LRBA: variants seen among roughly 807,000 people sequenced by gnomAD.
The protein encoded by LRBA is lipopolysaccharide-responsive and beige-like anchor protein.
Under a neutral mutation model 330.0 loss-of-function variants are expected in LRBA, and 176 were observed. That is an observed-to-expected ratio of 0.53 (90% CI 0.47 to 0.60). The LOEUF (loss-of-function observed/expected upper bound fraction) is 0.60. Ranked by LOEUF, LRBA falls within the 20% of genes least tolerant of loss-of-function variation. The pLI, the probability that LRBA is intolerant of heterozygous loss-of-function variation, is 0.00. For missense variants in LRBA, 3,259 were observed against 3,444.8 expected, an observed-to-expected ratio of 0.95 and a Z score of 1.35; for synonymous variants, 1,230 against 1,193.0, an observed-to-expected ratio of 1.03 and a Z score of -0.64.
intron 2 of LRBA, among the ~76,000 whole-genome samples, chr4:151,007,726 G>A (rs1234166706): frequency 2.1e-5 from 3 of 144,302 alleles, no homozygotes; most frequent in East Asian, 2.2e-4. Flanking sequence ...GCGTGGTGGC[G>A]GGCGCCTGTA....
intron 38 of LRBA, chr4:150,597,199 AAG>A: frequency 1.5e-6 from 1 of 659,600 alleles, no homozygotes; most frequent in South Asian, 2.3e-5. Flanking sequence ...TATACAAGTC[AAG>A]AGTCTTAGGA....
intron 38 of LRBA, chr4:150,597,163 A>C (rs756509379): frequency 1.1e-6 from 1 of 886,550 alleles, no homozygotes; most frequent in Middle Eastern, 2.3e-4. Context: ...ATTACTATCG[A>C]GAGTAATCAG....
At chr4:150,529,880 A>T (rs945368453) in intron 40 of LRBA, among the ~76,000 whole-genome samples, 1 of 152,118 alleles carries the variant, frequency 6.6e-6, no homozygotes, top group African/African-American at 2.4e-5. Flanking sequence ...ACCTAGACTC[A>T]ATAATTTTTT....
chr4:150,787,474 C>CA (rs1739247965), intron 34 of LRBA, among the ~76,000 whole-genome samples: 1 of 152,084 alleles, frequency 6.6e-6, no homozygotes, highest in Non-Finnish European at 1.5e-5. Context: ...ACACCTTTTA[C>CA]TAGTTAAAAA....
intron 40 of LRBA, among the ~76,000 whole-genome samples, chr4:150,502,097 C>A (rs1018875878): frequency 6.6e-6 from 1 of 152,218 alleles, no homozygotes; most frequent in African/African-American, 2.4e-5. Context: ...CTCCAGAGAT[C>A]TGCAGCCTTC....
intron 37 of LRBA, among the ~76,000 whole-genome samples, chr4:150,608,694 C>T (rs1450773499): frequency 6.6e-6 from 1 of 152,186 alleles, no homozygotes; most frequent in African/African-American, 2.4e-5. Context: ...TCACCATGAT[C>T]TAATTTAAAA....
In LRBA at chr4:150,466,725, T is replaced by C. The variant is rs1755496075; in HGVS notation, c.6780+948A>G. ...AGGAAAGAAGCTTTAGGAAAAAGAC[T>C]GGATATTCCACTCACCTAAAAAATG... On this transcript the variant is annotated intron_variant, in intron 44 of 56. Coordinates refer to ENST00000651943, the MANE Select transcript of LRBA (RefSeq NM_001364905.1). Among the ~76,000 whole-genome samples, 7 of 152,096 alleles carry C rather than the reference T, an allele frequency of 4.6e-5. No homozygotes were observed. In the South Asian group the frequency reaches 1.4e-3, roughly 32 times the overall value.
At chr4:150,568,370 C>G (rs924820446) in intron 40 of LRBA, among the ~76,000 whole-genome samples, 1 of 152,064 alleles carries the variant, frequency 6.6e-6, no homozygotes, top group Non-Finnish European at 1.5e-5. Context: ...TAAGTAAAAA[C>G]CTGCCAAGGG....
chr4:150,326,471 C>G (rs1733281284), intron 48 of LRBA, among the ~76,000 whole-genome samples: 1 of 152,100 alleles, frequency 6.6e-6, no homozygotes, highest in Admixed American at 6.6e-5. Context: ...ATGGTTAAAC[C>G]AGGGAGTCAC....
At chr4:150,336,191 C>A (rs957956878) in intron 48 of LRBA, among the ~76,000 whole-genome samples, 1 of 152,156 alleles carries the variant, frequency 6.6e-6, no homozygotes, top group African/African-American at 2.4e-5. Context: ...CAATAGTTAT[C>A]TTTTCTGCTC....
chr4:150,380,433 A>C (rs1278334842), intron 47 of LRBA, among the ~76,000 whole-genome samples: 1 of 152,106 alleles, frequency 6.6e-6, no homozygotes, highest in East Asian at 1.9e-4. Flanking sequence ...CCCCACCTAC[A>C]TCAGGATCAC....
chr4:150,525,954 C>T (rs560777043), intron 40 of LRBA, among the ~76,000 whole-genome samples: 10 of 151,822 alleles, frequency 6.6e-5, no homozygotes, highest in South Asian at 4.2e-4. Flanking sequence ...AGTTGGCTAC[C>T]GAGACCAATC....
intron 40 of LRBA, among the ~76,000 whole-genome samples, chr4:150,492,969 C>A (rs1561257340): frequency 6.6e-6 from 1 of 152,116 alleles, no homozygotes; most frequent in Non-Finnish European, 1.5e-5. Flanking sequence ...CTTATCACTA[C>A]CTGAAATTTT....
chr4:150,459,675 T>C (rs1309737212), intron 44 of LRBA, among the ~76,000 whole-genome samples: 3 of 151,910 alleles, frequency 2.0e-5, no homozygotes, highest in Non-Finnish European at 2.9e-5. Context: ...TTGGGAACTC[T>C]CCCCATATCA....
At position 150,599,236 on chromosome 4, in the gene LRBA, T is replaced by G. The variant is rs1234617631; in HGVS notation, c.5922-105A>C. 4.8e-6 allele frequency: 6 copies of G among 1,241,692 alleles called. No individual in the cohort carries two copies. In the East Asian group the frequency reaches 1.5e-4, roughly 30 times the overall value. The allele number at this position is 1,241,692 out of a possible 1,614,324, so 76.9% of individuals were successfully genotyped here. A position where few individuals can be genotyped will look rare whatever the true frequency, so the allele number is the denominator to read the frequency against. The stretch of plus-strand genomic sequence containing the variant: ...CTTGTTTGCTCTGCCTTTTTTTCCC[T>G]CTCCTTCCACTTAATTCTCCCTCCA... On this transcript the variant is annotated intron_variant, in intron 37 of 56. Transcript: ENST00000651943.
intron 51 of LRBA, among the ~76,000 whole-genome samples, chr4:150,313,671 G>A (rs1731348132): frequency 6.6e-6 from 1 of 151,834 alleles, no homozygotes; most frequent in Middle Eastern, 3.2e-3. Flanking sequence ...TACTGGTAGA[G>A]TTAAGAACAG....
chr4:150,443,447 C>T (rs971679231), intron 44 of LRBA, among the ~76,000 whole-genome samples: 3 of 152,190 alleles, frequency 2.0e-5, no homozygotes, highest in East Asian at 3.9e-4. Flanking sequence ...TGGAACCAAC[C>T]CAAATGTCCA....
chr4:150,992,315 CAAA>C (rs11444108), intron 2 of LRBA, among the ~76,000 whole-genome samples: 1 of 133,328 alleles, frequency 7.5e-6, no homozygotes. Flanking sequence ...GACTCCGTCT[CAAA>C]AAAAAAAAAA....
chr4:150,278,499 G>A (rs981347266), intron 55 of LRBA, among the ~76,000 whole-genome samples: 7 of 152,174 alleles, frequency 4.6e-5, no homozygotes, highest in Non-Finnish European at 1.5e-5. Context: ...TTGGGAAGAA[G>A]ACTTTGTAGA....
Sources: allele counts gnomAD v4.1 joint callset (sites outside exome capture counted in the v4.1 genomes callset), GRCh38; gene constraint gnomAD v4.1.1; transcripts MANE v1.5; gene names NCBI Gene and HGNC (gene_info 2026-07-23, HGNC 2026-07-21).